Variants in PDE1A observed in about 807,000 individuals in gnomAD.
PDE1A encodes the protein dual specificity calcium/calmodulin-dependent 3',5'-cyclic nucleotide phosphodiesterase 1A.
In PDE1A, 35 loss-of-function variants were observed where a neutral mutation model predicts 61.7. The observed-to-expected ratio is 0.57, with a 90% CI of 0.43 to 0.75. The LOEUF is 0.75. PDE1A is among the 30% of genes least tolerant of loss of function. PDE1A has a pLI of 0.00. For missense variants in PDE1A, 597 were observed against 630.6 expected, an observed-to-expected ratio of 0.95 and a Z score of 0.57; for synonymous variants, 232 against 213.2, an observed-to-expected ratio of 1.09 and a Z score of -0.77.
chr2:182,554,529 G>T, the PDE1A span, among the ~76,000 whole-genome samples: 1 of 152,078 alleles, frequency 6.6e-6, no homozygotes, highest in African/African-American at 2.4e-5. Flanking sequence ...GAAGGTGTGG[G>T]TTCTGAAACT....
the PDE1A span, among the ~76,000 whole-genome samples, chr2:182,613,466 G>A: frequency 6.6e-6 from 1 of 151,810 alleles, no homozygotes; most frequent in African/African-American, 2.4e-5. Context: ...CGGAGGCTGA[G>A]GCAGGAGAAT....
Position 182,230,008 on chromosome 2 carries a change from T to G in PDE1A, c.673A>C (p.Met225Leu), listed in dbSNP as rs535630464. ...CTCAGTTACAAAGACTGTCTTACCA[T>G]GATACCTGTATGAAGCATTATGTAA... The change falls in exon 6 of 14, where the codon ATG (methionine) becomes CTG (leucine). Residue 225 changes from methionine to leucine, a missense_variant and splice_region_variant. Transcript: ENST00000351439. The G allele has an allele frequency of 1.2e-6, 2 of 1,610,144 alleles. No homozygotes were observed. Among genetic ancestry groups the G allele is most frequent in the Non-Finnish European group, 1.7e-6 (2 of 1,177,802 alleles).
the PDE1A span, among the ~76,000 whole-genome samples, chr2:182,608,851 C>A: frequency 3.9e-5 from 6 of 152,240 alleles, no homozygotes; most frequent in African/African-American, 1.2e-4. Flanking sequence ...GTGAAGCCAG[C>A]TGGGCTCCTG....
chr2:182,527,914 TCCA>T (rs1690801426), upstream of PDE1A, among the ~76,000 whole-genome samples: 1 of 152,130 alleles, frequency 6.6e-6, no homozygotes, highest in African/African-American at 2.4e-5. Context: ...ACTTTCGCCT[TCCA>T]CCACGATTGT....
At chr2:182,382,277 A>G (rs890421532) in intron 1 of PDE1A, among the ~76,000 whole-genome samples, 2 of 152,220 alleles carry the variant, frequency 1.3e-5, no homozygotes, top group Non-Finnish European at 2.9e-5. Context: ...CAGAAGAGCA[A>G]ATAAGAAAGA....
At chr2:182,580,841 T>C in the PDE1A span, among the ~76,000 whole-genome samples, 4 of 152,128 alleles carry the variant, frequency 2.6e-5, no homozygotes, top group Non-Finnish European at 2.9e-5. Context: ...TCATTACTTA[T>C]CTTTTGGGAA....
intron 13 of PDE1A, among the ~76,000 whole-genome samples, chr2:182,177,672 T>C (rs1339682374): frequency 6.6e-6 from 1 of 152,104 alleles, no homozygotes; most frequent in African/African-American, 2.4e-5. Flanking sequence ...AGCCTTGTAG[T>C]ATAGTTTGAA....
intron 2 of PDE1A, among the ~76,000 whole-genome samples, chr2:182,241,650 A>G (rs1690519890): frequency 6.6e-6 from 1 of 152,246 alleles, no homozygotes; most frequent in Non-Finnish European, 1.5e-5. Context: ...TCATTTGCCA[A>G]TATTTATTTT....
chr2:182,574,122 G>T, the PDE1A span, among the ~76,000 whole-genome samples: 1 of 151,850 alleles, frequency 6.6e-6, no homozygotes, highest in South Asian at 2.1e-4. Flanking sequence ...ATGTGTGAGG[G>T]CAGGAAGCAT....
intron 2 of PDE1A, among the ~76,000 whole-genome samples, chr2:182,256,362 T>C (rs1691814396): frequency 6.6e-6 from 1 of 151,298 alleles, no homozygotes; most frequent in African/African-American, 2.4e-5. Context: ...TGCGATAGTT[T>C]ACTGAGAATG....
chr2:182,610,227 T>C, the PDE1A span, among the ~76,000 whole-genome samples: 1 of 152,258 alleles, frequency 6.6e-6, no homozygotes, highest in Non-Finnish European at 1.5e-5. Context: ...TACAGCTCTT[T>C]ATGCTTTGTC....
the PDE1A span, among the ~76,000 whole-genome samples, chr2:182,635,674 A>T: frequency 7.0e-6 from 1 of 141,884 alleles, no homozygotes; most frequent in African/African-American, 2.5e-5. Flanking sequence ...AAGAGTATCT[A>T]TCTCTCTCTC....
At chr2:182,203,557 G>C (rs1021350733) in intron 8 of PDE1A, among the ~76,000 whole-genome samples, 5 of 152,102 alleles carry the variant, frequency 3.3e-5, no homozygotes, top group African/African-American at 1.2e-4. Context: ...ATTTATGTTT[G>C]CTAAGGAAAA....
chr2:182,363,878 T>C (rs2125188280), intron 1 of PDE1A, among the ~76,000 whole-genome samples: 1 of 152,088 alleles, frequency 6.6e-6, no homozygotes, highest in African/African-American at 2.4e-5. Flanking sequence ...ATATAAGATT[T>C]TAGAGGCTCA....
intron 1 of PDE1A, among the ~76,000 whole-genome samples, chr2:182,280,632 T>C (rs1030251761): frequency 3.2e-4 from 49 of 152,084 alleles, no homozygotes; most frequent in African/African-American, 1.1e-3. Context: ...GACTCTGCTC[T>C]GCCAGTTACC....
intron 1 of PDE1A, among the ~76,000 whole-genome samples, chr2:182,389,709 G>C (rs1701313225): frequency 6.6e-6 from 1 of 152,158 alleles, no homozygotes; most frequent in South Asian, 2.1e-4. Context: ...TGTCTGTGAG[G>C]GTGTTGCCAA....
At chr2:182,427,626 A>G (rs1703699278), upstream of PDE1A, among the ~76,000 whole-genome samples, 1 of 152,194 alleles carries the variant, frequency 6.6e-6, no homozygotes, top group African/African-American at 2.4e-5. Context: ...AAGAAGGTAT[A>G]AAAGAATTTG....
intron 1 of PDE1A, among the ~76,000 whole-genome samples, chr2:182,387,120 C>A (rs1288188148): frequency 1.3e-5 from 2 of 152,260 alleles, no homozygotes; most frequent in Admixed American, 1.3e-4. Flanking sequence ...GACCTTACCC[C>A]CAACCCTGTG....
At chr2:182,621,795 A>G in the PDE1A span, among the ~76,000 whole-genome samples, 1 of 152,206 alleles carries the variant, frequency 6.6e-6, no homozygotes, top group Non-Finnish European at 1.5e-5. Flanking sequence ...GACGGTAGAC[A>G]AGAAGAATAC....
Sources: gnomAD v4.1 joint callset for allele counts (sites outside exome capture counted in the v4.1 genomes callset) on GRCh38, gnomAD v4.1.1 for gene constraint, MANE v1.5 for transcripts, NCBI Gene and HGNC (gene_info 2026-07-23, HGNC 2026-07-21) for gene names.